Variants in TEX14 observed in about 807,000 individuals in gnomAD.
TEX14 encodes the protein inactive serine/threonine-protein kinase TEX14.
In TEX14, 168 loss-of-function variants were observed where a neutral mutation model predicts 178.6. The ratio of observed to expected loss-of-function variants is 0.94; its 90% CI spans 0.83 to 1.07. The LOEUF is 1.07. Ranked by LOEUF, TEX14 falls within the 50% of genes least tolerant of loss-of-function variation. TEX14 has a pLI of 0.00. For synonymous variants in TEX14, 626 were observed against 634.1 expected, an observed-to-expected ratio of 0.99 and a Z score of 0.19; for missense variants, 1,730 against 1,753.6, an observed-to-expected ratio of 0.99 and a Z score of 0.24.
At chr17:58,606,150 A>G (rs1029974131) in intron 10 of TEX14, among the ~76,000 whole-genome samples, 21 of 151,976 alleles carry the variant, frequency 1.4e-4, no homozygotes, top group African/African-American at 4.4e-4. Context: ...TCCCAACCAG[A>G]CTCCTTAAGA....
At chr17:58,629,895 G>A (rs1446198057) in intron 3 of TEX14, among the ~76,000 whole-genome samples, 7 of 137,600 alleles carry the variant, frequency 5.1e-5, no homozygotes, top group African/African-American at 1.6e-4. Context: ...GATTCTTTTC[G>A]TGTTTCGTGT....
At chr17:58,674,395 C>A (rs368813588) in intron 1 of TEX14, among the ~76,000 whole-genome samples, 3 of 151,998 alleles carry the variant, frequency 2.0e-5, no homozygotes, top group Non-Finnish European at 4.4e-5. Context: ...TCCGGCCAGG[C>A]GCAGTGGCTC....
intron 2 of TEX14, among the ~76,000 whole-genome samples, chr17:58,649,897 G>A (rs753051868): frequency 3.3e-5 from 5 of 150,694 alleles, no homozygotes; most frequent in Non-Finnish European, 5.9e-5. Flanking sequence ...CCACCACCAT[G>A]CCTGGCTAAT....
chr17:58,632,005 T>C (rs2046330906), intron 2 of TEX14, among the ~76,000 whole-genome samples: 1 of 152,130 alleles, frequency 6.6e-6, no homozygotes. Flanking sequence ...AGCTCAAAAT[T>C]TCGAAGATAC....
chr17:58,580,589 C>A (rs1267163356), intron 19 of TEX14, among the ~76,000 whole-genome samples: 1 of 152,090 alleles, frequency 6.6e-6, no homozygotes, highest in Non-Finnish European at 1.5e-5. Flanking sequence ...GGATTACAGG[C>A]GTGAGCTACC....
chr17:58,611,232 G>A lies in TEX14; in HGVS notation c.1113C>T (p.Leu371=), dbSNP rs2045737883. ...LHFQGFIHRS[L]SSYAVHIISP... is the part of the protein sequence containing the mutation. ...AGATGATATGGACAGCATAGGAGCTGAGGGAGCGGTGGATAAACCCCTGGA... is the reference window on the plus strand; with the variant it reads ...AGATGATATGGACAGCATAGGAGCTAAGGGAGCGGTGGATAAACCCCTGGA... The change falls in exon 10 of 32, where the codon CTC becomes CTT. Residue 371 remains leucine (L), a synonymous_variant. Transcript: ENST00000349033. The A allele has an allele frequency of 6.2e-7, 1 of 1,613,936 alleles. No individual in the cohort carries two copies. The highest frequency in any genetic ancestry group is 8.5e-7 in the Non-Finnish European group (1 of 1,179,826).
intron 2 of TEX14, among the ~76,000 whole-genome samples, chr17:58,634,337 C>G (rs550698878): frequency 6.6e-6 from 1 of 152,146 alleles, no homozygotes; most frequent in African/African-American, 2.4e-5. Flanking sequence ...TGCTTGAACC[C>G]GAGAGGTAGA....
chr17:58,612,606 G>C, intron 9 of TEX14, among the ~76,000 whole-genome samples: 1 of 151,646 alleles, frequency 6.6e-6, no homozygotes, highest in East Asian at 1.9e-4. Flanking sequence ...GTGGTGGGGG[G>C]TGCCTGTAAT....
At chr17:58,619,242 A>G (rs2045942572) in intron 5 of TEX14, among the ~76,000 whole-genome samples, 2 of 152,056 alleles carry the variant, frequency 1.3e-5, no homozygotes, top group Non-Finnish European at 2.9e-5. Flanking sequence ...AGTGTTCTCA[A>G]ACAGTGACCT....
At chr17:58,659,250 C>CAAACA in intron 1 of TEX14, 1 of 678,736 alleles carries the variant, frequency 1.5e-6, no homozygotes, top group Non-Finnish European at 1.8e-6. Flanking sequence ...AAAACCCTCC[C>CAAACA]CCAAGAAAAA....
intron 1 of TEX14, among the ~76,000 whole-genome samples, chr17:58,676,955 A>G (rs1030312235): frequency 3.3e-5 from 5 of 151,930 alleles, no homozygotes; most frequent in Admixed American, 2.0e-4. Flanking sequence ...CGTCTCTACT[A>G]AAAAATACAA....
intron 3 of TEX14, among the ~76,000 whole-genome samples, chr17:58,623,753 AAAG>A (rs1315194982): frequency 1.3e-5 from 2 of 149,006 alleles, no homozygotes; most frequent in East Asian, 4.0e-4. Flanking sequence ...AAAGAAGAAG[AAAG>A]AAGGAGAAGA....
intron 17 of TEX14, 82 bp from the exon 18 acceptor site, chr17:58,586,164 A>C: frequency 3.6e-6 from 5 of 1,392,430 alleles, no homozygotes; most frequent in Non-Finnish European, 4.9e-6. Flanking sequence ...AATACATAAT[A>C]CTATTATAAC....
rs1247339071 is a variant in TEX14 at position 58,561,535 on chromosome 17, G to T, written c.4142C>A (p.Pro1381His). 2.5e-6 allele frequency: 4 copies of T among 1,612,848 alleles called. No homozygotes were observed. The highest frequency in any genetic ancestry group is 3.4e-6 in the Non-Finnish European group (4 of 1,178,970). ...GAACAATAACCTTTCAGAGCCCTTGGGAAGGTCTTGTAGCTCCACGCTCTC... is the reference window on the plus strand; with the variant it reads ...GAACAATAACCTTTCAGAGCCCTTGTGAAGGTCTTGTAGCTCCACGCTCTC... ...PEESVELQDLPKGSERETNIK... is the reference protein window; with the variant it reads ...PEESVELQDLHKGSERETNIK... Residue 1381 changes from proline (P) to histidine (H), a missense_variant, in exon 29 of 32, where the codon CCC becomes CAC. By Grantham distance (77) the Pro-to-His change is moderately conservative. Around this residue, in one of 2 missense-constraint regions of TEX14, gnomAD observed 941 missense variants for 1,072.4 expected, o/e 0.88. Transcript: ENST00000349033.
intron 11 of TEX14, 123 bp from the exon 12 acceptor site, chr17:58,602,713 T>C: frequency 1.5e-6 from 1 of 675,822 alleles, no homozygotes; most frequent in South Asian, 2.2e-5. Flanking sequence ...TTTTTTTTTC[T>C]AATCCACTGT....
chr17:58,621,179 G>A (rs974629965), intron 5 of TEX14, among the ~76,000 whole-genome samples: 1 of 152,222 alleles, frequency 6.6e-6, no homozygotes, highest in Non-Finnish European at 1.5e-5. Context: ...GATGGGAGAA[G>A]AGGGGGCTGC....
chr17:58,656,122 G>A (rs576377043), intron 1 of TEX14, among the ~76,000 whole-genome samples: 6 of 151,954 alleles, frequency 3.9e-5, no homozygotes, highest in African/African-American at 9.6e-5. Flanking sequence ...GCAACACGGC[G>A]AAATGCTGTC....
intron 1 of TEX14, among the ~76,000 whole-genome samples, chr17:58,676,074 C>T (rs541128466): frequency 6.6e-6 from 1 of 152,190 alleles, no homozygotes; most frequent in South Asian, 2.1e-4. Context: ...ACCCTCTCTA[C>T]TAAAACATAA....
chr17:58,571,392 T>C lies in TEX14; in HGVS notation c.3717+529A>G, dbSNP rs181948671. 2.0e-5 allele frequency among the ~76,000 whole-genome samples: 3 copies of C among 151,868 alleles called. No homozygotes were observed. In the East Asian group the frequency reaches 5.8e-4, roughly 30 times the overall value. On this transcript the variant is annotated intron_variant, in intron 24 of 31. Coordinates refer to ENST00000349033, the MANE Select transcript of TEX14 (RefSeq NM_031272.5). ...CTGAAACTACAGGCACATGGCACCA[T>C]GTCCCAGCTAATTTTCTGTATCTTT...
Sources: allele counts gnomAD v4.1 joint callset (sites outside exome capture counted in the v4.1 genomes callset), GRCh38; gene constraint gnomAD v4.1.1; regional missense constraint gnomAD v4.1.1; transcripts MANE v1.5; gene names NCBI Gene and HGNC (gene_info 2026-07-23, HGNC 2026-07-21).